ZBTB40: variants seen among roughly 807,000 people sequenced by gnomAD.
The protein encoded by ZBTB40 is zinc finger and BTB domain containing 40.
In ZBTB40, 60 loss-of-function variants were observed where a neutral mutation model predicts 117.5. The ratio of observed to expected loss-of-function variants is 0.51; its 90% CI spans 0.41 to 0.63. ZBTB40 has a LOEUF of 0.63. Ranked by LOEUF, ZBTB40 falls within the 30% of genes least tolerant of loss-of-function variation. The pLI, the probability that ZBTB40 is intolerant of heterozygous loss-of-function variation, is 0.00. For synonymous variants in ZBTB40, 525 were observed against 577.1 expected (o/e 0.91, Z 1.29); for missense variants, 1,287 against 1,498.5 (o/e 0.86, Z 2.33).
At chr1:22,512,778 G>A in intron 11 of ZBTB40, 146 bp from the exon 12 acceptor site, 1 of 865,100 alleles carries the variant, frequency 1.2e-6, no homozygotes, top group Non-Finnish European at 1.9e-6. Context: ...TGTGCAGTGG[G>A]TACCAGCGTG....
At chr1:22,525,697 A>T (rs889517198) in intron 17 of ZBTB40, among the ~76,000 whole-genome samples, 4 of 152,234 alleles carry the variant, frequency 2.6e-5, no homozygotes, top group Admixed American at 6.5e-5. Context: ...GTCACAGTTC[A>T]TCCAGTCTTC....
At chr1:22,465,718 C>G (rs886610875) in intron 1 of ZBTB40, among the ~76,000 whole-genome samples, 1 of 151,512 alleles carries the variant, frequency 6.6e-6, no homozygotes, top group African/African-American at 2.4e-5. Flanking sequence ...CTTCCCAGAC[C>G]CCCAAGAGTG....
In ZBTB40 at chr1:22,511,300, A is replaced by G. The variant is rs555250460; in HGVS notation, c.1955A>G (p.Lys652Arg). Residue 652 changes from lysine to arginine, a missense_variant, in exon 10 of 18, where the codon AAA becomes AGA. Physicochemically the swap from Lys to Arg is conservative, Grantham distance 26 (BLOSUM62 2). This residue lies in a region of ZBTB40 where 870 missense variants were observed against 934.4 expected (regional missense o/e 0.93). Transcript: ENST00000375647. ...EICHLLCSVH[K>R]SFPGLQPVMQ... Reference sequence around the variant, plus strand: ...TGCCACCTCCTGTGCAGTGTCCACAAATCTTTTCCAGGCCTGCAGCCTGTC... The same window carrying G: ...TGCCACCTCCTGTGCAGTGTCCACAGATCTTTTCCAGGCCTGCAGCCTGTC... 1.5e-4 allele frequency: 246 copies of G among 1,614,114 alleles called. 4 individuals are homozygous for G. In the South Asian group the frequency reaches 2.4e-3, roughly 15 times the overall value.
chr1:22,519,743 T>A, intron 13 of ZBTB40: 1 of 381,804 alleles, frequency 2.6e-6, no homozygotes, highest in East Asian at 6.3e-5. Flanking sequence ...CGAGCCAGGG[T>A]GAAACTCCCT....
At chr1:22,451,527 C>A (rs1313597244), upstream of ZBTB40, among the ~76,000 whole-genome samples, 1 of 151,998 alleles carries the variant, frequency 6.6e-6, no homozygotes, top group Middle Eastern at 3.2e-3. Context: ...CGCCTGTAAT[C>A]CCAGCTACTC....
chr1:22,498,166 AC>A (rs1442958734), intron 3 of ZBTB40, among the ~76,000 whole-genome samples: 5 of 152,196 alleles, frequency 3.3e-5, no homozygotes, highest in South Asian at 4.1e-4. Flanking sequence ...TACTTCTGTG[AC>A]CTTATTAACA....
intron 16 of ZBTB40, among the ~76,000 whole-genome samples, chr1:22,522,923 T>C (rs1210749174): frequency 2.1e-5 from 3 of 143,622 alleles, no homozygotes; most frequent in Admixed American, 7.1e-5. Flanking sequence ...CCTGCCACCA[T>C]GCTCGACTAA....
At chr1:22,458,943 C>T (rs1641067552) in intron 1 of ZBTB40, among the ~76,000 whole-genome samples, 2 of 152,142 alleles carry the variant, frequency 1.3e-5, no homozygotes, top group Admixed American at 6.5e-5. Flanking sequence ...TTCCTTTTTA[C>T]CAAGAAGTTT....
chr1:22,506,269 C>T (rs372221612), intron 6 of ZBTB40, 28 bp downstream of exon 6: 11 of 1,610,072 alleles, frequency 6.8e-6, no homozygotes, highest in Non-Finnish European at 9.3e-6. Flanking sequence ...ACTCTCTGGA[C>T]TGGAACCACT....
intron 16 of ZBTB40, among the ~76,000 whole-genome samples, chr1:22,523,101 C>T (rs1639584666): frequency 6.6e-6 from 1 of 151,834 alleles, no homozygotes; most frequent in Non-Finnish European, 1.5e-5. Context: ...GCGCCCACCA[C>T]CACACCCGAC....
At chr1:22,522,549 A>G in intron 16 of ZBTB40, 86 bp downstream of exon 16, 1 of 1,317,276 alleles carries the variant, frequency 7.6e-7, no homozygotes, top group Non-Finnish European at 1.1e-6. Flanking sequence ...ACCTAGGCTA[A>G]ATCGCTTAAC....
chr1:22,516,681 C>G (rs1296028541), intron 12 of ZBTB40, among the ~76,000 whole-genome samples: 2 of 152,180 alleles, frequency 1.3e-5, no homozygotes, highest in Admixed American at 6.5e-5. Context: ...TGCTTGCTCT[C>G]TCGGCCCATA....
At chr1:22,522,230 A>C (rs1639545757) in intron 15 of ZBTB40, 147 bp from the exon 16 acceptor site, 2 of 781,132 alleles carry the variant, frequency 2.6e-6, no homozygotes, top group Non-Finnish European at 4.5e-6. Flanking sequence ...GATTGTACAA[A>C]TATACCATAG....
chr1:22,523,540 G>A (rs895374055), intron 16 of ZBTB40, among the ~76,000 whole-genome samples: 1 of 152,170 alleles, frequency 6.6e-6, no homozygotes, highest in Admixed American at 6.5e-5. Flanking sequence ...ATGATGGAAC[G>A]CATAATATAA....
chr1:22,487,281 A>G (rs1006398886), intron 1 of ZBTB40, among the ~76,000 whole-genome samples: 2 of 152,224 alleles, frequency 1.3e-5, no homozygotes, highest in Admixed American at 6.5e-5. Flanking sequence ...AGTGTCAGTA[A>G]ATGTAGAAAT....
intron 1 of ZBTB40, among the ~76,000 whole-genome samples, chr1:22,440,315 T>G (rs1244019934): frequency 6.6e-6 from 1 of 152,216 alleles, no homozygotes; most frequent in African/African-American, 2.4e-5. Flanking sequence ...CTTTTATTTT[T>G]TTCTTCTTGC....
At chr1:22,502,498 T>G in intron 5 of ZBTB40, 57 bp downstream of exon 5, 1 of 1,611,166 alleles carries the variant, frequency 6.2e-7, no homozygotes, top group Non-Finnish European at 8.5e-7. Flanking sequence ...CTTAAAAAAA[T>G]GCTTTTGTGG....
intron 1 of ZBTB40, among the ~76,000 whole-genome samples, chr1:22,476,244 G>C (rs879922772): frequency 2.0e-5 from 3 of 152,042 alleles, no homozygotes; most frequent in Admixed American, 1.3e-4. Flanking sequence ...AGTTTCTTTT[G>C]AGACAGTCTT....
In ZBTB40 at chr1:22,526,237, G is replaced by T. The variant is rs781522611; in HGVS notation, c.3561G>T (p.Glu1187Asp). 1 of 1,614,208 alleles carries T rather than the reference G, an allele frequency of 6.2e-7. No individual in the cohort carries two copies. Among genetic ancestry groups the T allele is most frequent in the African/African-American group, 1.3e-5 (1 of 75,050 alleles). Residue 1187 changes from glutamate to aspartate, a missense_variant, in exon 18 of 18, where the codon GAG (glutamate) becomes GAT (aspartate). By Grantham distance (45) the Glu-to-Asp change is conservative. This residue lies in a region of ZBTB40 where 417 missense variants were observed against 564.1 expected (regional missense o/e 0.74). Transcript: ENST00000375647. ...CCCCAGAGCCGGTGGCCCCGACAGA[G>T]CAGGTGATCACTTTGGAGGAGACCC... ...IQTPEPVAPT[E>D]QVITLEETQL...
Sources: allele counts gnomAD v4.1 joint callset (sites outside exome capture counted in the v4.1 genomes callset), GRCh38; gene constraint gnomAD v4.1.1; regional missense constraint gnomAD v4.1.1; transcripts MANE v1.5; gene names NCBI Gene and HGNC (gene_info 2026-07-23, HGNC 2026-07-21).